Variants in ZNF704 observed in about 807,000 individuals in gnomAD.
ZNF704 encodes the protein glucocorticoid induced gene 1.
ZNF704 carries 10 observed loss-of-function variants against 44.7 expected under a neutral mutation model. The observed-to-expected ratio is 0.22, with a 90% confidence interval of 0.14 to 0.38. The LOEUF (loss-of-function observed/expected upper bound fraction) is 0.38, where lower values mean the gene tolerates loss of function less well. Ranked by LOEUF, ZNF704 falls within the 10% of genes least tolerant of loss-of-function variation. The probability of loss-of-function intolerance (pLI) is 1.00; values close to 1 mark genes in which losing one functional copy is unlikely to be tolerated. For missense variants in ZNF704, 390 were observed against 545.5 expected, an observed-to-expected ratio of 0.71 and a Z score of 2.84; for synonymous variants, 211 against 207.6, an observed-to-expected ratio of 1.02 and a Z score of -0.14.
At chr8:80,672,378 A>C (rs894492922) in intron 4 of ZNF704, among the ~76,000 whole-genome samples, 2 of 152,214 alleles carry the variant, frequency 1.3e-5, no homozygotes, top group African/African-American at 4.8e-5. Flanking sequence ...AAAGAACTAA[A>C]AATAGAAGTA....
At chr8:80,865,359 T>C (rs1048276639) in intron 1 of ZNF704, among the ~76,000 whole-genome samples, 1 of 152,170 alleles carries the variant, frequency 6.6e-6, no homozygotes, top group Non-Finnish European at 1.5e-5. Context: ...GTGGAGAAGC[T>C]AGAATCTGAA....
At chr8:80,850,185 T>G (rs1011122495) in intron 1 of ZNF704, among the ~76,000 whole-genome samples, 4 of 152,214 alleles carry the variant, frequency 2.6e-5, no homozygotes, top group African/African-American at 9.7e-5. Context: ...CCATTATTTG[T>G]TTTATGTTAC....
chr8:80,863,434 A>T (rs1292891757), intron 1 of ZNF704, among the ~76,000 whole-genome samples: 1 of 152,156 alleles, frequency 6.6e-6, no homozygotes, highest in East Asian at 1.9e-4. Context: ...AATTCCAATT[A>T]TTTCAATTAT....
intron 1 of ZNF704, among the ~76,000 whole-genome samples, chr8:80,826,530 T>C (rs1032267421): frequency 3.9e-5 from 6 of 152,234 alleles, no homozygotes; most frequent in Non-Finnish European, 7.4e-5. Flanking sequence ...TCTGAAACTA[T>C]TCCAATCAAT....
chr8:80,729,254 G>C (rs981633408), intron 2 of ZNF704, among the ~76,000 whole-genome samples: 2 of 152,122 alleles, frequency 1.3e-5, no homozygotes, highest in African/African-American at 2.4e-5. Flanking sequence ...CAAAATGAGT[G>C]GTTGGGTGGG....
chr8:80,718,602 C>T (rs993927321), intron 2 of ZNF704, among the ~76,000 whole-genome samples: 1 of 152,170 alleles, frequency 6.6e-6, no homozygotes, highest in Non-Finnish European at 1.5e-5. Context: ...CACGCCTGGG[C>T]TGGCTTGCTG....
chr8:80,637,779 C>G lies in ZNF704; in HGVS notation c.*3587G>C, dbSNP rs534768296. On this transcript the variant is annotated 3_prime_UTR_variant, in exon 9 of 9. Coordinates refer to ENST00000327835, the MANE Select transcript of ZNF704 (RefSeq NM_001033723.3). ...GCAGCTAAGCGCACACATTCTTGGTCAGAAACCCACAGCTTTTTTCCTGAC... is the reference window on the plus strand; with the variant it reads ...GCAGCTAAGCGCACACATTCTTGGTGAGAAACCCACAGCTTTTTTCCTGAC... 6.6e-6 allele frequency: 1 copy of G among 152,266 alleles called. No individual in the cohort carries two copies. Among genetic ancestry groups the G allele is most frequent in the Non-Finnish European group, 1.5e-5 (1 of 68,058 alleles). 9.4% of individuals were successfully genotyped at this position (152,266 alleles called of 1,614,324 possible). A position where few individuals can be genotyped will look rare whatever the true frequency, so the allele number is the denominator to read the frequency against.
chr8:80,814,019 G>A (rs1267295509), intron 2 of ZNF704: 1 of 152,132 alleles, frequency 6.6e-6, no homozygotes, highest in Non-Finnish European at 1.5e-5. Flanking sequence ...AGAGTGAAGT[G>A]GCAGCATATG....
At chr8:80,651,682 C>T (rs1340094696) in intron 7 of ZNF704, among the ~76,000 whole-genome samples, 2 of 152,236 alleles carry the variant, frequency 1.3e-5, no homozygotes, top group South Asian at 2.1e-4. Context: ...CCTTAGAGAC[C>T]TACAAAGAGA....
intron 2 of ZNF704, among the ~76,000 whole-genome samples, chr8:80,720,934 G>A (rs1386490130): frequency 6.6e-6 from 1 of 152,246 alleles, no homozygotes; most frequent in Non-Finnish European, 1.5e-5. Flanking sequence ...CAGGGACTTA[G>A]CACAAAGGCT....
Position 80,838,775 on chromosome 8 carries a change from T to C in ZNF704, c.-21-17160A>G, listed in dbSNP as rs1467072568. ...AGGAGGAGGCCACCCGAGGTGGCAA[T>C]GGAGGCAGCGGCAGGGAGCAGACCC... On this transcript the variant is annotated intron_variant, in intron 1 of 8. Coordinates refer to ENST00000327835, the MANE Select transcript of ZNF704 (RefSeq NM_001033723.3). Among the ~76,000 whole-genome samples, 7 of 132,080 alleles carry C rather than the reference T, an allele frequency of 5.3e-5. No homozygotes were observed. The East Asian group carries it at 1.5e-3, about 29-fold the overall frequency. 86.6% of individuals were successfully genotyped at this position (132,080 alleles called of 152,430 possible).
chr8:80,707,797 T>A (rs1479627178), intron 2 of ZNF704, among the ~76,000 whole-genome samples: 1 of 150,622 alleles, frequency 6.6e-6, no homozygotes, highest in Non-Finnish European at 1.5e-5. Context: ...TGGAGCTGGC[T>A]TTTATTGAAG....
chr8:80,851,338 T>C (rs1320577843), intron 1 of ZNF704, among the ~76,000 whole-genome samples: 1 of 151,960 alleles, frequency 6.6e-6, no homozygotes, highest in Non-Finnish European at 1.5e-5. Context: ...CCAACAACAA[T>C]AGACTGGATT....
intron 2 of ZNF704, among the ~76,000 whole-genome samples, chr8:80,756,888 AT>A (rs1807044929): frequency 6.6e-6 from 1 of 152,224 alleles, no homozygotes; most frequent in African/African-American, 2.4e-5. Context: ...CACACGGGCA[AT>A]TAGGCAGCAA....
At chr8:80,782,210 A>C (rs1807538436) in intron 2 of ZNF704, among the ~76,000 whole-genome samples, 1 of 152,258 alleles carries the variant, frequency 6.6e-6, no homozygotes, top group African/African-American at 2.4e-5. Context: ...TATGCATAAC[A>C]GAAATCCATG....
intron 2 of ZNF704, among the ~76,000 whole-genome samples, chr8:80,762,583 C>T (rs1807151363): frequency 6.6e-6 from 1 of 152,100 alleles, no homozygotes; most frequent in South Asian, 2.1e-4. Flanking sequence ...ATTACAGGTC[C>T]CTACCTCAAC....
intron 2 of ZNF704, among the ~76,000 whole-genome samples, chr8:80,790,914 G>A (rs1318079545): frequency 6.6e-6 from 1 of 152,164 alleles, no homozygotes; most frequent in Non-Finnish European, 1.5e-5. Flanking sequence ...AGACCCTTAT[G>A]AAAACGGTGG....
At chr8:80,864,732 C>G (rs1198562417) in intron 1 of ZNF704, among the ~76,000 whole-genome samples, 1 of 152,176 alleles carries the variant, frequency 6.6e-6, no homozygotes, top group African/African-American at 2.4e-5. Context: ...GAGACACCAA[C>G]GCACAGGAGG....
chr8:80,820,389 CAA>C (rs899571360), intron 2 of ZNF704, among the ~76,000 whole-genome samples: 2 of 151,370 alleles, frequency 1.3e-5, no homozygotes, highest in Non-Finnish European at 2.9e-5. Context: ...TATAATGTGA[CAA>C]AGGCCTTTTT....
Sources: gnomAD v4.1 joint callset for allele counts (sites outside exome capture counted in the v4.1 genomes callset) on GRCh38, gnomAD v4.1.1 for gene constraint, MANE v1.5 for transcripts, NCBI Gene and HGNC (gene_info 2026-07-23, HGNC 2026-07-21) for gene names.